Variants in WSCD2 observed in about 807,000 individuals in gnomAD.
The protein encoded by WSCD2 is WSC domain sialate O sulfotransferase 2.
A neutral mutation model predicts 55.7 loss-of-function variants in WSCD2; 28 were observed. That is an observed-to-expected ratio of 0.50 (90% confidence interval 0.37 to 0.69). The LOEUF (loss-of-function observed/expected upper bound fraction) is 0.69. Among genes scored for constraint, WSCD2 ranks in the 30% least tolerant of loss-of-function variants. The probability of loss-of-function intolerance (pLI) is 0.00; values close to 1 mark genes in which losing one functional copy is unlikely to be tolerated. For missense variants in WSCD2, 616 were observed against 762.1 expected (o/e 0.81, Z 2.26); for synonymous variants, 301 against 301.9 (o/e 1.00, Z 0.03).
chr12:108,221,749 T>C (rs1490219924), intron 4 of WSCD2, among the ~76,000 whole-genome samples: 3 of 152,226 alleles, frequency 2.0e-5, no homozygotes, highest in African/African-American at 7.2e-5. Flanking sequence ...CACACCTCTT[T>C]GAATGTTCTC....
intron 3 of WSCD2, among the ~76,000 whole-genome samples, chr12:108,208,210 C>T (rs1273427327): frequency 6.6e-6 from 1 of 152,196 alleles, no homozygotes; most frequent in Non-Finnish European, 1.5e-5. Context: ...GAGATAGAGG[C>T]ATGAACAATA....
At chr12:108,192,155 T>A (rs79682172) in intron 1 of WSCD2, among the ~76,000 whole-genome samples, 354 of 152,342 alleles carry the variant, frequency 2.3e-3, no homozygotes, top group African/African-American at 7.9e-3. Context: ...TTCAAGTGTC[T>A]CACATGTGCC....
chr12:108,248,788 C>T lies in WSCD2; in HGVS notation c.*445C>T, dbSNP rs187047527. On this transcript the variant is annotated 3_prime_UTR_variant, in exon 9 of 9. Transcript: ENST00000547525. The surrounding 1 kb of genome is among the most constrained non-coding windows in gnomAD (Gnocchi z 4.3). ...GCTTGTCCCTTCTGGGCTGAGATTT[C>T]GCAGCCCCCTTCTCATCTCCACCCA... The T allele has an allele frequency of 9.1e-6, 9 of 991,798 alleles. No individual in the cohort carries two copies. The highest frequency in any genetic ancestry group is 1.1e-4 in the East Asian group (1 of 9,060). The allele number at this position is 991,798 out of a possible 1,614,324, so 61.4% of individuals were successfully genotyped here.
intron 4 of WSCD2, among the ~76,000 whole-genome samples, chr12:108,222,377 C>T (rs1418056229): frequency 6.6e-6 from 1 of 152,202 alleles, no homozygotes; most frequent in Non-Finnish European, 1.5e-5. Flanking sequence ...CTGTTTCTCT[C>T]ATCTGTAAAA....
chr12:108,226,986 C>G lies in WSCD2; in HGVS notation c.805-4C>G. The G allele has an allele frequency of 6.2e-7, 1 of 1,612,418 alleles. No individual in the cohort carries two copies. The highest frequency in any genetic ancestry group is 8.5e-7 in the Non-Finnish European group (1 of 1,179,238). ...TTCCTCTTCTTCTCCCACTCCATCCCCAGGAGTACCCGCTGGCAGCTCTTG... is the reference window on the plus strand; with the variant it reads ...TTCCTCTTCTTCTCCCACTCCATCCGCAGGAGTACCCGCTGGCAGCTCTTG... On this transcript the variant is annotated splice_polypyrimidine_tract_variant and splice_region_variant and intron_variant, in intron 5 of 8. Transcript: ENST00000547525.
At position 108,202,758 on chromosome 12, in the gene WSCD2, G is replaced by A. The variant is rs114273604; in HGVS notation, c.383-3531G>A. Among the ~76,000 whole-genome samples the A allele has an allele frequency of 9.7e-3, 1,472 of 152,274 alleles. 31 individuals carry two copies. Among genetic ancestry groups the A allele is most frequent in the African/African-American group, 0.034 (1,412 of 41,568 alleles). The stretch of plus-strand genomic sequence containing the variant: ...TGAAAATATAACTATTGGGTACTAC[G>A]CTTAATACCTGGGTGACAAAATAAT... On this transcript the variant is annotated intron_variant, in intron 2 of 8. Coordinates refer to ENST00000547525, the MANE Select transcript of WSCD2 (RefSeq NM_014653.4).
At chr12:108,160,069 G>A (rs929147373) in intron 1 of WSCD2, among the ~76,000 whole-genome samples, 3 of 152,150 alleles carry the variant, frequency 2.0e-5, no homozygotes, top group Non-Finnish European at 4.4e-5. Context: ...TTAGGATCTC[G>A]GCTGGATGAG....
intron 4 of WSCD2, among the ~76,000 whole-genome samples, chr12:108,214,074 C>T (rs922866501): frequency 6.6e-6 from 1 of 152,314 alleles, no homozygotes; most frequent in African/African-American, 2.4e-5. Context: ...AAGTCACTGG[C>T]ACACAACTCT....
intron 1 of WSCD2, among the ~76,000 whole-genome samples, chr12:108,131,167 T>G (rs1875469586): frequency 6.6e-6 from 1 of 152,210 alleles, no homozygotes; most frequent in Non-Finnish European, 1.5e-5. Flanking sequence ...TGGTGCTTGA[T>G]GTCCTGGAAA....
At chr12:108,228,925 T>C (rs547157954) in intron 6 of WSCD2, among the ~76,000 whole-genome samples, 1 of 152,352 alleles carries the variant, frequency 6.6e-6, no homozygotes, top group Non-Finnish European at 1.5e-5. Flanking sequence ...TGTGCAGAGC[T>C]GTGCTGCCTT....
At chr12:108,180,531 T>C (rs1428763945) in intron 1 of WSCD2, among the ~76,000 whole-genome samples, 1 of 152,232 alleles carries the variant, frequency 6.6e-6, no homozygotes, top group Non-Finnish European at 1.5e-5. Flanking sequence ...GAGCTGTAGT[T>C]TGAATGTCGG....
chr12:108,187,075 A>T (rs2137019197), intron 1 of WSCD2, among the ~76,000 whole-genome samples: 1 of 152,332 alleles, frequency 6.6e-6, no homozygotes, highest in South Asian at 2.1e-4. Flanking sequence ...CTAAGTGATC[A>T]GCAAAGATGT....
At chr12:108,212,874 A>C (rs1382145058) in intron 4 of WSCD2, among the ~76,000 whole-genome samples, 3 of 152,142 alleles carry the variant, frequency 2.0e-5, no homozygotes, top group African/African-American at 7.2e-5. Context: ...GGATTCTCTA[A>C]AGTCCATCAC....
intron 3 of WSCD2, among the ~76,000 whole-genome samples, chr12:108,208,472 T>C (rs11113774): frequency 6.6e-6 from 1 of 152,094 alleles, no homozygotes; most frequent in Non-Finnish European, 1.5e-5. Context: ...GAGGGCTCCA[T>C]GTGGAGGGTT....
At chr12:108,166,715 CCTCCTTCTTTCTCTTTCTTTCTTTCT>C (rs1879633991) in intron 1 of WSCD2, among the ~76,000 whole-genome samples, 2 of 141,296 alleles carry the variant, frequency 1.4e-5, no homozygotes, top group Non-Finnish European at 3.1e-5. Flanking sequence ...TCTTTCTTTC[CCTCCTTCTTTCTCTTTCTTTCTTTCT>C]TTCCTTCTTT....
At chr12:108,197,731 A>G (rs1301078855) in intron 2 of WSCD2, among the ~76,000 whole-genome samples, 1 of 151,944 alleles carries the variant, frequency 6.6e-6, no homozygotes, top group African/African-American at 2.4e-5. Context: ...TGAAAGCCCC[A>G]AAGTCCTCAC....
intron 1 of WSCD2, among the ~76,000 whole-genome samples, chr12:108,133,660 AG>A (rs1415754342): frequency 6.6e-6 from 1 of 152,188 alleles, no homozygotes; most frequent in Admixed American, 6.5e-5. Context: ...AGTTGGTGCC[AG>A]CTCTGAGCAG....
chr12:108,132,287 A>T (rs1250583505), intron 1 of WSCD2, among the ~76,000 whole-genome samples: 1 of 152,150 alleles, frequency 6.6e-6, no homozygotes, highest in Admixed American at 6.5e-5. Flanking sequence ...TTGACTTTTA[A>T]GACTCTGAAA....
At chr12:108,222,724 C>T (rs182252591) in intron 4 of WSCD2, among the ~76,000 whole-genome samples, 7 of 152,268 alleles carry the variant, frequency 4.6e-5, no homozygotes, top group Admixed American at 3.3e-4. Flanking sequence ...CAACGCCTGG[C>T]CTCAAGCAAT....
Sources: gnomAD v4.1 joint callset for allele counts (sites outside exome capture counted in the v4.1 genomes callset) on GRCh38, gnomAD v4.1.1 for gene constraint, Gnocchi (gnomAD v3.1) non-coding constraint, MANE v1.5 for transcripts, NCBI Gene and HGNC (gene_info 2026-07-23, HGNC 2026-07-21) for gene names.